CTNNA2: variants seen among roughly 807,000 people sequenced by gnomAD.
The protein encoded by CTNNA2 is catenin alpha 2, also known as catenin alpha-2.
In CTNNA2, 42 loss-of-function variants were observed where a neutral mutation model predicts 101.0. The observed-to-expected ratio is 0.42, with a 90% CI of 0.32 to 0.54. CTNNA2 has a LOEUF of 0.54. Ranked by LOEUF, CTNNA2 falls within the 20% of genes least tolerant of loss-of-function variation. The pLI is 0.14. For synonymous variants in CTNNA2, 450 were observed against 456.4 expected (o/e 0.99, Z 0.18); for missense variants, 871 against 1,223.1 (o/e 0.71, Z 4.29).
chr2:80,059,225 C>G (rs895831687), intron 7 of CTNNA2, among the ~76,000 whole-genome samples: 1 of 152,100 alleles, frequency 6.6e-6, no homozygotes, highest in African/African-American at 2.4e-5. Flanking sequence ...TCAGTTGCCC[C>G]GGCTGGGTTC....
intron 4 of CTNNA2, among the ~76,000 whole-genome samples, chr2:79,394,568 T>A (rs1421223065): frequency 6.6e-6 from 1 of 152,188 alleles, no homozygotes; most frequent in African/African-American, 2.4e-5. Context: ...GTAGAGTTAA[T>A]GCAGCACACT....
intron 7 of CTNNA2, among the ~76,000 whole-genome samples, chr2:79,932,283 A>G (rs867198940): frequency 6.6e-6 from 1 of 152,278 alleles, no homozygotes; most frequent in South Asian, 2.1e-4. Context: ...GGAAAAGAAG[A>G]ATGATGAGAG....
intron 2 of CTNNA2, among the ~76,000 whole-genome samples, chr2:79,215,840 G>A (rs974176621): frequency 2.0e-5 from 3 of 152,092 alleles, no homozygotes; most frequent in Non-Finnish European, 4.4e-5. Flanking sequence ...AGGATTATAG[G>A]GTGGAGGAGC....
rs1425845974 is a variant in CTNNA2, at chr2:79,193,827, C to T, written c.-523-4132C>T. 3.3e-5 allele frequency among the ~76,000 whole-genome samples: 5 copies of T among 152,158 alleles called. No individual in the cohort carries two copies. The South Asian group carries it at 1.0e-3, about 32-fold the overall frequency. On this transcript the variant is annotated intron_variant, in intron 1 of 21. Coordinates refer to the CTNNA2 transcript ENST00000466387. ...TTATTGATGGAAATTATATTCTATACCTCAGTTTCCTCATTTGCCACAAGG... is the reference window on the plus strand; with the variant it reads ...TTATTGATGGAAATTATATTCTATATCTCAGTTTCCTCATTTGCCACAAGG...
chr2:80,533,621 C>T (rs1475825251), intron 9 of CTNNA2, among the ~76,000 whole-genome samples: 1 of 152,192 alleles, frequency 6.6e-6, no homozygotes, highest in Non-Finnish European at 1.5e-5. Context: ...AGCCCTCCTG[C>T]ATTGCCAGAG....
At chr2:80,606,764 T>C (rs1698064642) in intron 16 of CTNNA2, among the ~76,000 whole-genome samples, 1 of 151,948 alleles carries the variant, frequency 6.6e-6, no homozygotes, top group South Asian at 2.1e-4. Flanking sequence ...AGATTTGAGA[T>C]ATGCATGCCA....
intron 7 of CTNNA2, among the ~76,000 whole-genome samples, chr2:80,387,909 G>A (rs1213841742): frequency 1.3e-5 from 2 of 152,226 alleles, no homozygotes; most frequent in Non-Finnish European, 2.9e-5. Flanking sequence ...CAGCAATGTA[G>A]AGAGTAGTCC....
intron 3 of CTNNA2, among the ~76,000 whole-genome samples, chr2:79,314,372 G>C (rs1454687121): frequency 6.6e-6 from 1 of 152,218 alleles, no homozygotes; most frequent in Non-Finnish European, 1.5e-5. Flanking sequence ...GTTGGGTCCA[G>C]ATATATTTTA....
intron 7 of CTNNA2, among the ~76,000 whole-genome samples, chr2:80,117,455 AGTGTGTGTGT>A (rs59521287): frequency 1.4e-5 from 2 of 145,882 alleles, no homozygotes; most frequent in African/African-American, 5.1e-5. Flanking sequence ...TTCCTGTGTG[AGTGTGTGTGT>A]GTGTGTGTGT....
At chr2:79,835,428 G>C (rs1378411337) in intron 3 of CTNNA2, among the ~76,000 whole-genome samples, 1 of 152,096 alleles carries the variant, frequency 6.6e-6, no homozygotes, top group African/African-American at 2.4e-5. Flanking sequence ...TCTTTTAGAA[G>C]TGACTACTAG....
chr2:80,527,043 G>A (rs1202320012), intron 9 of CTNNA2, among the ~76,000 whole-genome samples: 1 of 152,200 alleles, frequency 6.6e-6, no homozygotes, highest in Non-Finnish European at 1.5e-5. Context: ...TGACACAGTT[G>A]ATGGCACCAC....
At chr2:79,464,853 G>A (rs1249718019) in intron 4 of CTNNA2, among the ~76,000 whole-genome samples, 2 of 151,502 alleles carry the variant, frequency 1.3e-5, no homozygotes, top group East Asian at 3.9e-4. Context: ...TTGCAAGTTT[G>A]TTTAAGTTCT....
At chr2:80,393,765 G>C (rs17019153) in intron 8 of CTNNA2, among the ~76,000 whole-genome samples, 6,767 of 152,264 alleles carry the variant, frequency 0.044, 518 homozygotes, top group African/African-American at 0.15. Context: ...CTAGGAGAAA[G>C]TTTGCTTATC....
chr2:80,354,380 C>T (rs1673586307), intron 7 of CTNNA2, among the ~76,000 whole-genome samples: 1 of 152,028 alleles, frequency 6.6e-6, no homozygotes, highest in East Asian at 1.9e-4. Context: ...TGTCCAATGC[C>T]ATCATAACCA....
At chr2:79,508,518 C>CT (rs1004985250), upstream of CTNNA2, among the ~76,000 whole-genome samples, 4 of 151,920 alleles carry the variant, frequency 2.6e-5, no homozygotes, top group Non-Finnish European at 5.9e-5. Context: ...CTTATTCTTT[C>CT]TTTTTAAAGA....
intron 9 of CTNNA2, among the ~76,000 whole-genome samples, chr2:80,427,594 T>A (rs1308135458): frequency 6.6e-6 from 1 of 152,090 alleles, no homozygotes; most frequent in African/African-American, 2.4e-5. Flanking sequence ...CTTTGCTTCA[T>A]CTTCTTGACT....
At chr2:80,163,134 T>G in intron 7 of CTNNA2, 1 of 1,570,876 alleles carries the variant, frequency 6.4e-7, no homozygotes, top group South Asian at 1.1e-5. Context: ...AATTTCACCT[T>G]TATTACTGGC....
chr2:79,425,406 A>G (rs1394590101), intron 4 of CTNNA2, among the ~76,000 whole-genome samples: 1 of 152,172 alleles, frequency 6.6e-6, no homozygotes, highest in Non-Finnish European at 1.5e-5. Flanking sequence ...GATAATATAT[A>G]AAGGACAGAA....
At chr2:80,462,941 C>T (rs76095360) in intron 9 of CTNNA2, among the ~76,000 whole-genome samples, 2,482 of 152,156 alleles carry the variant, frequency 0.016, 68 homozygotes, top group African/African-American at 0.056. Context: ...TTAACCTCTG[C>T]TCTGAAATCA....
Sources: gnomAD v4.1 joint callset for allele counts (sites outside exome capture counted in the v4.1 genomes callset) on GRCh38, gnomAD v4.1.1 for gene constraint, MANE v1.5 for transcripts, NCBI Gene and HGNC (gene_info 2026-07-23, HGNC 2026-07-21) for gene names.